KCNMA1: variants seen among roughly 807,000 people sequenced by gnomAD.
The protein encoded by KCNMA1 is Calcium-activated potassium channel subunit alpha-1.
KCNMA1 carries 29 observed loss-of-function variants against 140.0 expected under a neutral mutation model. The ratio of observed to expected loss-of-function variants is 0.21; its 90% CI spans 0.15 to 0.28. KCNMA1 has a LOEUF of 0.28. KCNMA1 is among the 10% of genes least tolerant of loss of function. The pLI is 1.00. For synonymous variants in KCNMA1, 612 were observed against 611.9 expected, an observed-to-expected ratio of 1.00 and a Z score of 0.00; for missense variants, 880 against 1,602.2, an observed-to-expected ratio of 0.55 and a Z score of 7.70.
At chr10:77,305,487 A>C (rs2077474160) in intron 2 of KCNMA1, among the ~76,000 whole-genome samples, 1 of 152,162 alleles carries the variant, frequency 6.6e-6, no homozygotes, top group Non-Finnish European at 1.5e-5. Context: ...GATTCTACCC[A>C]GTTCTCTCTG....
intron 21 of KCNMA1, among the ~76,000 whole-genome samples, chr10:76,953,286 C>T (rs1002116111): frequency 6.6e-6 from 1 of 152,190 alleles, no homozygotes; most frequent in African/African-American, 2.4e-5. Flanking sequence ...AAACCAATAA[C>T]AATACAGGCA....
intron 16 of KCNMA1, chr10:77,025,535 TA>T (rs1213331941): frequency 8.8e-7 from 1 of 1,138,502 alleles, no homozygotes; most frequent in East Asian, 2.6e-5. Context: ...AAAGAAGGAA[TA>T]AAACCTTTGT....
At chr10:77,415,268 C>T (rs2096715362) in intron 1 of KCNMA1, among the ~76,000 whole-genome samples, 1 of 152,242 alleles carries the variant, frequency 6.6e-6, no homozygotes. Flanking sequence ...AAATAACAAT[C>T]TCCTTCTCTT....
chr10:77,609,699 A>G (rs575133732), intron 1 of KCNMA1, among the ~76,000 whole-genome samples: 1 of 152,336 alleles, frequency 6.6e-6, no homozygotes, highest in African/African-American at 2.4e-5. Context: ...TATACAATAA[A>G]CAAGTACAAT....
intron 14 of KCNMA1, among the ~76,000 whole-genome samples, chr10:77,046,089 C>G (rs1030268552): frequency 6.6e-6 from 1 of 152,190 alleles, no homozygotes; most frequent in Admixed American, 6.5e-5. Context: ...CACACTAACA[C>G]TGCCCAAAAC....
intron 1 of KCNMA1, among the ~76,000 whole-genome samples, chr10:77,628,366 T>C (rs1167129821): frequency 6.6e-6 from 1 of 152,120 alleles, no homozygotes; most frequent in Non-Finnish European, 1.5e-5. Context: ...GTCAAAAACC[T>C]AAAATCTCGC....
intron 3 of KCNMA1, among the ~76,000 whole-genome samples, chr10:77,201,144 A>G (rs1598575027): frequency 6.6e-6 from 1 of 152,222 alleles, no homozygotes; most frequent in African/African-American, 2.4e-5. Flanking sequence ...GAAAGATGCC[A>G]TTTTCAGGTA....
intron 1 of KCNMA1, among the ~76,000 whole-genome samples, chr10:77,443,243 C>T (rs1253250333): frequency 6.6e-6 from 1 of 152,170 alleles, no homozygotes; most frequent in East Asian, 1.9e-4. Flanking sequence ...GTGGTCCCGG[C>T]AGGCTTCCAG....
Position 77,317,346 on chromosome 10 carries a change from T to G in KCNMA1, c.541-66090A>C, listed in dbSNP as rs1345753860. ...ACCAAGATTTTGTTCACGTTTCATT[T>G]GTAGCCAGCTCCACTCATGCCTCTC... On this transcript the variant is annotated intron_variant, in intron 2 of 27. Transcript: ENST00000286628. Among the ~76,000 whole-genome samples, 3 of 152,214 alleles carry G rather than the reference T, an allele frequency of 2.0e-5. No homozygotes were observed. The East Asian group carries it at 5.8e-4, about 29-fold the overall frequency.
chr10:77,292,854 A>G (rs1457554857), intron 2 of KCNMA1, among the ~76,000 whole-genome samples: 2 of 152,254 alleles, frequency 1.3e-5, no homozygotes, highest in African/African-American at 2.4e-5. Flanking sequence ...CAGGAATACA[A>G]TAAGCAAGTA....
At position 77,106,651 on chromosome 10, in the gene KCNMA1, G is replaced by A. The variant is rs185251946; in HGVS notation, c.1223+1830C>T. The stretch of plus-strand genomic sequence containing the variant: ...GTGATTGGGAAATGCTGGCGGAGAC[G>A]TCAGAAGATAGGGAGGCCATAAAGA... On this transcript the variant is annotated intron_variant, in intron 9 of 27. Coordinates refer to ENST00000286628, the MANE Select transcript of KCNMA1 (RefSeq NM_001161352.2). Among the ~76,000 whole-genome samples the A allele has an allele frequency of 4.0e-3, 610 of 152,298 alleles. 2 individuals are homozygous for A. Among genetic ancestry groups the A allele is most frequent in the Non-Finnish European group, 5.8e-3 (395 of 68,030 alleles).
intron 1 of KCNMA1, among the ~76,000 whole-genome samples, chr10:77,545,877 C>A (rs967507827): frequency 5.9e-5 from 9 of 152,154 alleles, no homozygotes. Flanking sequence ...CAGGCACTGA[C>A]CCCACTACCC....
intron 23 of KCNMA1, among the ~76,000 whole-genome samples, chr10:76,937,222 C>G (rs2060799614): frequency 6.6e-6 from 1 of 152,178 alleles, no homozygotes; most frequent in Admixed American, 6.5e-5. Flanking sequence ...TAACCATTGG[C>G]CCTGGTTTTT....
intron 5 of KCNMA1, among the ~76,000 whole-genome samples, chr10:77,160,513 T>C (rs1399971551): frequency 6.6e-6 from 1 of 152,204 alleles, no homozygotes; most frequent in Admixed American, 6.5e-5. Flanking sequence ...CTAATTGGCG[T>C]GCACTGAGGG....
chr10:77,403,204 T>C (rs1217167445), intron 2 of KCNMA1, among the ~76,000 whole-genome samples: 1 of 152,034 alleles, frequency 6.6e-6, no homozygotes, highest in East Asian at 1.9e-4. Flanking sequence ...AGAGAGATGT[T>C]GGAAACATAC....
At chr10:76,931,789 T>A (rs533075230) in intron 23 of KCNMA1, among the ~76,000 whole-genome samples, 45 of 152,300 alleles carry the variant, frequency 3.0e-4, no homozygotes, top group Non-Finnish European at 5.4e-4. Flanking sequence ...TAGTCCTTCC[T>A]CAACTCCTCT....
At chr10:77,062,543 A>T (rs778539229) in intron 14 of KCNMA1, among the ~76,000 whole-genome samples, 2 of 152,100 alleles carry the variant, frequency 1.3e-5, no homozygotes, top group African/African-American at 4.8e-5. Flanking sequence ...ACCAGTCATC[A>T]TCTCCCTTCT....
At chr10:77,140,823 A>G (rs1433315120) in intron 5 of KCNMA1, 2 of 152,212 alleles carry the variant, frequency 1.3e-5, no homozygotes, top group Non-Finnish European at 2.9e-5. Context: ...GAGCTGATCA[A>G]TCAGCTTCAC....
In KCNMA1 at chr10:77,539,936, T is replaced by A. The variant is rs578201762; in HGVS notation, c.378+97329A>T. Among the ~76,000 whole-genome samples, 7 of 152,312 alleles carry A rather than the reference T, an allele frequency of 4.6e-5. No individual in the cohort carries two copies. In the East Asian group the frequency reaches 1.4e-3, roughly 29 times the overall value. On this transcript the variant is annotated intron_variant, in intron 1 of 27. Transcript: ENST00000286628. ...ACCTGTCCTCTCCTACCCACCACTC[T>A]GGGAGAGCAGCGAAGAGCTGCTGTT...
Sources: gnomAD v4.1 joint callset for allele counts (sites outside exome capture counted in the v4.1 genomes callset) on GRCh38, gnomAD v4.1.1 for gene constraint, MANE v1.5 for transcripts, NCBI Gene and HGNC (gene_info 2026-07-23, HGNC 2026-07-21) for gene names.